Variants in COL9A1 observed in about 807,000 individuals in gnomAD.
COL9A1 encodes collagen alpha-1(IX) chain.
In COL9A1, 104 loss-of-function variants were observed where a neutral mutation model predicts 142.6. The observed-to-expected ratio is 0.73, with a 90% CI of 0.62 to 0.86. The LOEUF is 0.86. Ranked by LOEUF, COL9A1 falls within the 40% of genes least tolerant of loss-of-function variation. COL9A1 has a pLI of 0.00. For synonymous variants in COL9A1, 466 were observed against 396.0 expected (o/e 1.18, Z -2.10); for missense variants, 1,210 against 1,176.6 (o/e 1.03, Z -0.42).
chr6:70,300,421 C>A, intron 2 of COL9A1, 35 bp from the exon 3 acceptor site: 1 of 1,136,774 alleles, frequency 8.8e-7, no homozygotes, highest in Non-Finnish European at 1.3e-6. Context: ...CTACTTCATC[C>A]ACTCTAACTT....
chr6:70,240,598 A>T, intron 32 of COL9A1, 91 bp downstream of exon 32: 2 of 727,450 alleles, frequency 2.7e-6, no homozygotes, highest in Non-Finnish European at 4.6e-6. Flanking sequence ...TATATATACC[A>T]ATTTTGAACT....
At chr6:70,235,835 CCAGGT>C (rs1769868445) in intron 33 of COL9A1, among the ~76,000 whole-genome samples, 2 of 151,984 alleles carry the variant, frequency 1.3e-5, no homozygotes, top group South Asian at 4.1e-4. Context: ...CTTGACCAGG[CCAGGT>C]GCGGTGGCTC....
Position 70,300,311 on chromosome 6 carries a change from G to A in COL9A1, c.164C>T (p.Pro55Leu). Residue 55 changes from proline (P) to leucine (L), a missense_variant and splice_region_variant, in exon 3 of 38, where the codon CCA (proline) becomes CTA (leucine). Coordinates refer to ENST00000357250, the MANE Select transcript of COL9A1 (RefSeq NM_001851.6). ...PKIRIGQDDL[P>L]GFDLISQFQV... The stretch of plus-strand genomic sequence containing the variant: ...CAATAGGGTACATTGCTACTCACCT[G>A]GTAAGTCATCTTGGCCAATCCTGAT... 2 of 1,612,800 alleles carry A rather than the reference G, an allele frequency of 1.2e-6. No homozygotes were observed. The highest frequency in any genetic ancestry group is 8.5e-7 in the Non-Finnish European group (1 of 1,179,008).
intron 1 of COL9A1, 113 bp from the exon 2 acceptor site, chr6:70,302,187 T>C (rs1458089400): frequency 7.8e-6 from 5 of 640,764 alleles, no homozygotes; most frequent in African/African-American, 3.8e-5. Context: ...AATCACAGTA[T>C]AGTTTTTTTT....
intron 5 of COL9A1, among the ~76,000 whole-genome samples, chr6:70,289,498 A>G (rs1174113844): frequency 6.6e-6 from 1 of 152,166 alleles, no homozygotes; most frequent in Non-Finnish European, 1.5e-5. Flanking sequence ...TGGAAAATCC[A>G]GCTGAGGTTG....
chr6:70,242,042 A>G lies in COL9A1; in HGVS notation c.1927-7T>C. 4 of 1,587,826 alleles carry G rather than the reference A, an allele frequency of 2.5e-6. No individual in the cohort carries two copies. Among genetic ancestry groups the G allele is most frequent in the East Asian group, 2.3e-5 (1 of 43,562 alleles). The stretch of plus-strand genomic sequence containing the variant: ...CAGGGCTACCCAGAGAACCCTGGAA[A>G]GCAAAAACAAAGTCCCCGGAGTTAC... On this transcript the variant is annotated splice_polypyrimidine_tract_variant and splice_region_variant and intron_variant, in intron 29 of 37. Coordinates refer to ENST00000357250, the MANE Select transcript of COL9A1 (RefSeq NM_001851.6).
intron 12 of COL9A1, among the ~76,000 whole-genome samples, chr6:70,272,955 G>A (rs757991666): frequency 2.0e-5 from 3 of 151,860 alleles, no homozygotes; most frequent in Admixed American, 2.0e-4. Flanking sequence ...CTCCTACATT[G>A]GTTAGAATGG....
intron 33 of COL9A1, among the ~76,000 whole-genome samples, chr6:70,236,821 T>C (rs940687433): frequency 6.6e-6 from 1 of 151,522 alleles, no homozygotes; most frequent in Non-Finnish European, 1.5e-5. Context: ...CTGTAACAAC[T>C]TCTTTTTTTT....
At position 70,289,020 on chromosome 6, in the gene COL9A1, A is replaced by T. The variant is rs143306107; in HGVS notation, c.696+5147T>A. ...GAATGAGTATATAGAGATGGATAAG[A>T]AATATAGTGAAGAAAGAACTGATAG... On this transcript the variant is annotated intron_variant, in intron 5 of 37. Coordinates refer to ENST00000357250, the MANE Select transcript of COL9A1 (RefSeq NM_001851.6). Among the ~76,000 whole-genome samples, 65 of 152,320 alleles carry T rather than the reference A, an allele frequency of 4.3e-4. No homozygotes were observed. In the East Asian group the frequency reaches 0.012, roughly 29 times the overall value.
At chr6:70,232,282 A>T (rs1158953670) in intron 36 of COL9A1, among the ~76,000 whole-genome samples, 1 of 152,234 alleles carries the variant, frequency 6.6e-6, no homozygotes, top group Non-Finnish European at 1.5e-5. Flanking sequence ...ATGATCGTTT[A>T]CCAGATCCCA....
At position 70,255,008 on chromosome 6, in the gene COL9A1, T is replaced by C. The variant is rs199559331; in HGVS notation, c.1620A>G (p.Pro540=). 1.5e-4 allele frequency: 241 copies of C among 1,614,074 alleles called. No individual in the cohort carries two copies. Among genetic ancestry groups the C allele is most frequent in the Non-Finnish European group, 1.9e-4 (229 of 1,180,034 alleles). The change falls in exon 24 of 38, where the codon CCA becomes CCG. Residue 540 remains proline (P), a synonymous_variant. Coordinates refer to ENST00000357250, the MANE Select transcript of COL9A1 (RefSeq NM_001851.6). The part of the protein sequence containing the change: ...LPGPKGDTGL[P]GVDGRDGIPG... ...GGATCCCATCACGGCCATCCACACC[T>C]GGCAAACCCTAAACACACACAAAGA... is the stretch of plus-strand genomic sequence containing the variant.
At chr6:70,281,340 A>T in intron 8 of COL9A1, 50 bp downstream of exon 8, 1 of 1,550,260 alleles carries the variant, frequency 6.5e-7, no homozygotes, top group Non-Finnish European at 8.9e-7. Context: ...GGAAAAGAAT[A>T]GGAAAGGGCA....
Position 70,216,364 on chromosome 6 carries a change from TA to T in COL9A1, c.*532del, listed in dbSNP as rs1768502549. 6.3e-6 allele frequency: 1 copy of T among 158,258 alleles called. No individual in the cohort carries two copies. The highest frequency in any genetic ancestry group is 1.8e-4 in the South Asian group (1 of 5,412). The allele number at this position is 158,258 out of a possible 1,614,324, so 9.8% of individuals were successfully genotyped here. A position where few individuals can be genotyped will look rare whatever the true frequency, so the allele number is the denominator to read the frequency against. The stretch of plus-strand genomic sequence containing the variant: ...CGTAAAGAAATCATTTCGGGAGATG[TA>T]GCCCTTTCTTATCACTCCAGAGACA... On this transcript the variant is annotated 3_prime_UTR_variant, in exon 38 of 38. Coordinates refer to ENST00000357250, the MANE Select transcript of COL9A1 (RefSeq NM_001851.6).
chr6:70,237,764 T>C (rs1333243292), intron 33 of COL9A1, among the ~76,000 whole-genome samples: 1 of 152,226 alleles, frequency 6.6e-6, no homozygotes, highest in African/African-American at 2.4e-5. Context: ...AAATGTTACT[T>C]GAAACTTGAG....
chr6:70,227,805 T>C (rs963835670), intron 36 of COL9A1, among the ~76,000 whole-genome samples: 9 of 152,134 alleles, frequency 5.9e-5, no homozygotes, highest in African/African-American at 2.2e-4. Context: ...TATGCAGCTG[T>C]GAAGAATAGC....
At chr6:70,280,605 A>G in intron 10 of COL9A1, 1 of 1,294,374 alleles carries the variant, frequency 7.7e-7, no homozygotes. Context: ...AACGCCTCCT[A>G]GAGAGAGGTA....
Position 70,267,039 on chromosome 6 carries a change from C to A in COL9A1, c.1288-269G>T, listed in dbSNP as rs576252606. ...AATGTGATTCATTGATACTTGCCTG[C>A]TATTTCCTAGATCCCTATTCCCTAT... On this transcript the variant is annotated intron_variant, in intron 17 of 37. Coordinates refer to ENST00000357250, the MANE Select transcript of COL9A1 (RefSeq NM_001851.6). Among the ~76,000 whole-genome samples the A allele has an allele frequency of 2.6e-5, 4 of 152,322 alleles. No individual in the cohort carries two copies. In the South Asian group the frequency reaches 8.3e-4, roughly 32 times the overall value.
At chr6:70,281,504 G>C in intron 7 of COL9A1, 40 bp from the exon 8 acceptor site, 2 of 1,551,930 alleles carry the variant, frequency 1.3e-6, no homozygotes, top group Non-Finnish European at 8.8e-7. Flanking sequence ...GAGCACATCG[G>C]GCAACAGGGA....
At chr6:70,228,960 C>T (rs1454901662) in intron 36 of COL9A1, among the ~76,000 whole-genome samples, 1 of 152,042 alleles carries the variant, frequency 6.6e-6, no homozygotes, top group East Asian at 1.9e-4. Context: ...GCAATGAGAA[C>T]AGACTGTCTA....
Sources: allele counts gnomAD v4.1 joint callset (sites outside exome capture counted in the v4.1 genomes callset), GRCh38; gene constraint gnomAD v4.1.1; transcripts MANE v1.5; gene names NCBI Gene and HGNC (gene_info 2026-07-23, HGNC 2026-07-21).